The following BTBD9 variants were observed in gnomAD, a reference collection of about 807,000 sequenced individuals.
The protein encoded by BTBD9 is BTB/POZ domain-containing protein 9.
In BTBD9, 49 loss-of-function variants were observed where a neutral mutation model predicts 64.3. The observed-to-expected ratio is 0.76, with a 90% confidence interval of 0.61 to 0.97. The LOEUF is 0.97. Ranked by LOEUF, BTBD9 falls within the 50% of genes least tolerant of loss-of-function variation. The pLI, the probability that BTBD9 is intolerant of heterozygous loss-of-function variation, is 0.00. For synonymous variants in BTBD9, 260 were observed against 274.7 expected (o/e 0.95, Z 0.53); for missense variants, 598 against 762.1 (o/e 0.78, Z 2.53).
chr6:38,382,217 C>G (rs1473144811), intron 6 of BTBD9, among the ~76,000 whole-genome samples: 3 of 152,124 alleles, frequency 2.0e-5, no homozygotes, highest in Non-Finnish European at 4.4e-5. Flanking sequence ...GCTGTGAGGA[C>G]AGCAGCCCAC....
Position 38,606,644 on chromosome 6 carries a change from A to G in BTBD9, c.-27-8523T>C, listed in dbSNP as rs1284737457. ...GCTTAAAACCAAATTAGAATCTGGTAACAAATTAACCATTTTATAGTAGGG... is the reference window on the plus strand; with the variant it reads ...GCTTAAAACCAAATTAGAATCTGGTGACAAATTAACCATTTTATAGTAGGG... On this transcript the variant is annotated intron_variant, in intron 1 of 10. Transcript: ENST00000481247. Among the ~76,000 whole-genome samples the G allele has an allele frequency of 2.0e-5, 3 of 152,234 alleles. No homozygotes were observed. The South Asian group carries it at 6.2e-4, about 31-fold the overall frequency.
intron 7 of BTBD9, among the ~76,000 whole-genome samples, chr6:38,304,313 C>T (rs1047978643): frequency 5.9e-5 from 9 of 151,748 alleles, no homozygotes; most frequent in African/African-American, 1.9e-4. Context: ...TTTGGGAGGC[C>T]GAGGTGGGCG....
intron 8 of BTBD9, among the ~76,000 whole-genome samples, chr6:38,276,219 AATC>A (rs1192813126): frequency 6.6e-6 from 1 of 152,128 alleles, no homozygotes; most frequent in South Asian, 2.1e-4. Flanking sequence ...TGAAATTGGA[AATC>A]ATCATTCTCA....
At chr6:38,425,855 TGCAGTGA>T (rs58462922) in intron 6 of BTBD9, among the ~76,000 whole-genome samples, 21,074 of 150,778 alleles carry the variant, frequency 0.14, 1,838 homozygotes, top group East Asian at 0.34. Flanking sequence ...AGGTCAAGGC[TGCAGTGA>T]GCCATAATTA....
At chr6:38,551,573 G>A (rs775394056) in intron 6 of BTBD9, among the ~76,000 whole-genome samples, 10 of 152,120 alleles carry the variant, frequency 6.6e-5, no homozygotes, top group Admixed American at 1.3e-4. Flanking sequence ...TTTTATAGAC[G>A]TGCAGACTGA....
intron 7 of BTBD9, among the ~76,000 whole-genome samples, chr6:38,320,596 G>A (rs1330287364): frequency 6.6e-6 from 1 of 152,058 alleles, no homozygotes; most frequent in African/African-American, 2.4e-5. Context: ...AGCTTCCTAG[G>A]CAACGTCAAG....
At position 38,171,151 on chromosome 6, in the gene BTBD9, C is replaced by T. The variant is rs558656202; in HGVS notation, c.*3834G>A. ...TGTAGATTATACCTTCCTTTTCCCC[C>T]TTGGCTCTGGAAAGGATAAGTGATT... On this transcript the variant is annotated 3_prime_UTR_variant, in exon 11 of 11. Coordinates refer to ENST00000481247, the MANE Select transcript of BTBD9 (RefSeq NM_001099272.2). 2.0e-4 allele frequency: 31 copies of T among 152,330 alleles called. No homozygotes were observed. The highest frequency in any genetic ancestry group is 7.2e-4 in the African/African-American group (30 of 41,580). 9.4% of individuals were successfully genotyped at this position (152,330 alleles called of 1,614,324 possible).
chr6:38,410,642 A>G (rs1361953117), intron 6 of BTBD9, among the ~76,000 whole-genome samples: 1 of 152,238 alleles, frequency 6.6e-6, no homozygotes, highest in African/African-American at 2.4e-5. Flanking sequence ...TTACCTGGTC[A>G]TGTAACACCT....
At chr6:38,274,835 G>C (rs12177785) in intron 8 of BTBD9, among the ~76,000 whole-genome samples, 1 of 151,792 alleles carries the variant, frequency 6.6e-6, no homozygotes, top group Admixed American at 6.6e-5. Context: ...TTGGTCTAAA[G>C]TTCTCTTTGT....
At chr6:38,214,371 G>A (rs1369514864) in intron 9 of BTBD9, among the ~76,000 whole-genome samples, 1 of 152,262 alleles carries the variant, frequency 6.6e-6, no homozygotes, top group East Asian at 1.9e-4. Flanking sequence ...CTAGCCCGCT[G>A]GCTCCCTGTG....
intron 6 of BTBD9, among the ~76,000 whole-genome samples, chr6:38,351,361 G>A (rs1764499538): frequency 1.3e-5 from 2 of 152,088 alleles, no homozygotes; most frequent in Admixed American, 1.3e-4. Flanking sequence ...TATTCAACCT[G>A]AAGAGCAAAC....
rs145301623 is a variant in BTBD9, at chr6:38,455,839, G to A, written c.1155-110746C>T. Reference sequence around the variant, plus strand: ...ATTACAGGCATGCGCCACAACACCCGGCTAATTTTGTATTTTTAGTAGAGA... The same window carrying A: ...ATTACAGGCATGCGCCACAACACCCAGCTAATTTTGTATTTTTAGTAGAGA... On this transcript the variant is annotated intron_variant, in intron 6 of 10. Transcript: ENST00000481247. 1.1e-3 allele frequency among the ~76,000 whole-genome samples: 164 copies of A among 152,130 alleles called. 1 individual carries two copies. The highest frequency in any genetic ancestry group is 3.8e-3 in the African/African-American group (156 of 41,518).
intron 6 of BTBD9, among the ~76,000 whole-genome samples, chr6:38,448,731 T>C (rs1769385795): frequency 6.6e-6 from 1 of 152,182 alleles, no homozygotes; most frequent in Non-Finnish European, 1.5e-5. Context: ...TTGGCCAGGT[T>C]GGTTTCCAAC....
chr6:38,336,411 G>A (rs1481086776), intron 7 of BTBD9, among the ~76,000 whole-genome samples: 5 of 152,082 alleles, frequency 3.3e-5, no homozygotes, highest in Admixed American at 1.3e-4. Context: ...GGAAGGCCTC[G>A]GGAAACTTAT....
intron 6 of BTBD9, among the ~76,000 whole-genome samples, chr6:38,454,161 T>C (rs926612693): frequency 6.6e-6 from 1 of 152,112 alleles, no homozygotes; most frequent in Non-Finnish European, 1.5e-5. Flanking sequence ...CAAAATATAA[T>C]GAAGTTAAGT....
At chr6:38,303,515 T>C (rs1046627014) in intron 7 of BTBD9, among the ~76,000 whole-genome samples, 1 of 152,210 alleles carries the variant, frequency 6.6e-6, no homozygotes, top group African/African-American at 2.4e-5. Flanking sequence ...TATGATTATG[T>C]TGAATGCTGA....
At chr6:38,280,142 A>C (rs754191875) in intron 8 of BTBD9, among the ~76,000 whole-genome samples, 3 of 152,224 alleles carry the variant, frequency 2.0e-5, no homozygotes, top group Non-Finnish European at 4.4e-5. Flanking sequence ...TCTAGGATGA[A>C]ACTGGCTGAG....
At chr6:38,590,122 G>T (rs1246283709) in intron 4 of BTBD9, among the ~76,000 whole-genome samples, 2 of 152,110 alleles carry the variant, frequency 1.3e-5, no homozygotes, top group African/African-American at 4.8e-5. Flanking sequence ...TATTTGGTGT[G>T]TTAAATGTTG....
intron 6 of BTBD9, among the ~76,000 whole-genome samples, chr6:38,434,115 C>A (rs949116531): frequency 2.6e-5 from 4 of 151,834 alleles, no homozygotes; most frequent in Non-Finnish European, 5.9e-5. Context: ...AATATTTTAC[C>A]CCAAGTTTCT....
Sources: allele counts gnomAD v4.1 joint callset (sites outside exome capture counted in the v4.1 genomes callset), GRCh38; gene constraint gnomAD v4.1.1; transcripts MANE v1.5; gene names NCBI Gene and HGNC (gene_info 2026-07-23, HGNC 2026-07-21).